Variants in TNC observed in about 807,000 individuals in gnomAD.
TNC encodes the protein tenascin C, also known as tenascin.
A neutral mutation model predicts 202.4 loss-of-function variants in TNC; 109 were observed. That is an observed-to-expected ratio of 0.54 (90% CI 0.46 to 0.63). The LOEUF is 0.63. Ranked by LOEUF, TNC falls within the 30% of genes least tolerant of loss-of-function variation. The pLI is 0.00. For missense variants in TNC, 2,756 were observed against 2,833.3 expected (o/e 0.97, Z 0.62); for synonymous variants, 1,007 against 1,089.7 (o/e 0.92, Z 1.50).
Position 115,076,126 on chromosome 9 carries a change from G to A in TNC, c.2861-5C>T, listed in dbSNP as rs536537663. On this transcript the variant is annotated splice_polypyrimidine_tract_variant and splice_region_variant and intron_variant, in intron 8 of 27. Transcript: ENST00000350763. ...ATTCAGTTCCCGGCCTCAGACCTAA[G>A]GAGAGAATGTGCAAGTTGAGATTCA... The A allele has an allele frequency of 6.2e-7, 1 of 1,613,238 alleles. No homozygotes were observed. The highest frequency in any genetic ancestry group is 1.7e-5 in the Admixed American group (1 of 60,008).
rs75135471 is a variant in TNC, at chr9:115,108,079, A to G, written c.-137+9903T>C. Among the ~76,000 whole-genome samples, 754 of 152,282 alleles carry G rather than the reference A, an allele frequency of 5.0e-3. 5 individuals carry two copies. The highest frequency in any genetic ancestry group is 0.017 in the African/African-American group (719 of 41,550). ...CTGTGCTCATTGATTGTCTTTGCCA[A>G]AAAGAGCTGCTAATTAGGATGACAT... On this transcript the variant is annotated intron_variant, in intron 1 of 27. Transcript: ENST00000350763.
chr9:115,112,426 T>C (rs1837148064), intron 1 of TNC, among the ~76,000 whole-genome samples: 1 of 152,232 alleles, frequency 6.6e-6, no homozygotes, highest in Non-Finnish European at 1.5e-5. Flanking sequence ...GGAGGGGCTT[T>C]CATTGAAATA....
intron 10 of TNC, among the ~76,000 whole-genome samples, chr9:115,071,861 C>A (rs1833493981): frequency 6.6e-6 from 1 of 152,184 alleles, no homozygotes. Flanking sequence ...AAATTTAAAT[C>A]TCTACTATAG....
intron 2 of TNC, among the ~76,000 whole-genome samples, chr9:115,089,149 T>A (rs1023357031): frequency 7.9e-5 from 12 of 152,218 alleles, no homozygotes; most frequent in African/African-American, 2.9e-4. Context: ...TAAACTAACT[T>A]ATGCCTAAAG....
At chr9:115,085,514 C>A (rs1313450010) in intron 3 of TNC, among the ~76,000 whole-genome samples, 1 of 152,120 alleles carries the variant, frequency 6.6e-6, no homozygotes, top group Non-Finnish European at 1.5e-5. Flanking sequence ...CCTTTATCTA[C>A]CTCATCTTGA....
chr9:115,040,980 A>T lies in TNC; in HGVS notation c.5353T>A (p.Phe1785Ile). Residue 1785 changes from phenylalanine to isoleucine, a missense_variant, in exon 19 of 28, where the codon TTT becomes ATT. By Grantham distance (21) the Phe-to-Ile change is conservative. This residue lies in a region of TNC where 2,559 missense variants were observed against 2,546.0 expected (regional missense o/e 1.01). Transcript: ENST00000350763. ...YLVSIIAMKG[F>I]EESEPVSGSF... is the part of the protein sequence containing the mutation. Reference sequence around the variant, plus strand: ...CCTGAGACAGGTTCACTTTCCTCAAAGCCCTTCATGGCGATGATGCTGACA... The same window carrying T: ...CCTGAGACAGGTTCACTTTCCTCAATGCCCTTCATGGCGATGATGCTGACA... 1.9e-6 allele frequency: 3 copies of T among 1,614,036 alleles called. No homozygotes were observed. Among genetic ancestry groups the T allele is most frequent in the Non-Finnish European group, 2.5e-6 (3 of 1,179,998 alleles).
Position 115,084,397 on chromosome 9 carries a change from C to G in TNC, c.1943G>C (p.Arg648Pro). The change falls in exon 4 of 28, where the codon CGG (arginine) becomes CCG (proline). Residue 648 changes from arginine to proline, a missense_variant. Coordinates refer to ENST00000350763, the MANE Select transcript of TNC (RefSeq NM_002160.4). ...GTACACGACAAGGTACTCTGTGACC[C>G]GCATCTCATTGTCCCAGGCCAGGTT... Reference protein sequence around the residue: ...TVNLAWDNEMRVTEYLVVYTP... With the variant: ...TVNLAWDNEMPVTEYLVVYTP... 1.9e-6 allele frequency: 3 copies of G among 1,614,212 alleles called. No homozygotes were observed. The highest frequency in any genetic ancestry group is 2.5e-6 in the Non-Finnish European group (3 of 1,180,048).
chr9:115,029,574 C>T, intron 24 of TNC, 118 bp from the exon 25 acceptor site: 1 of 1,002,318 alleles, frequency 1.0e-6, no homozygotes, highest in Non-Finnish European at 1.5e-6. Context: ...CTGTCCATCC[C>T]TAATTTGCTA....
rs149338321 is a variant in TNC at position 115,081,870 on chromosome 9, C to T, written c.2306G>A (p.Arg769Gln). ...KSLRRPETSY[R>Q]QTGLAPGQEY... ...TTGCCCAGGAGCTAGACCAGTTTGCCGGTAAGAGGTCTCTGGCCTCCTCAG... is the reference window on the plus strand; with the variant it reads ...TTGCCCAGGAGCTAGACCAGTTTGCTGGTAAGAGGTCTCTGGCCTCCTCAG... The change falls in exon 6 of 28, where the codon CGG becomes CAG. Residue 769 changes from arginine to glutamine, a missense_variant. Coordinates refer to ENST00000350763, the MANE Select transcript of TNC (RefSeq NM_002160.4). The T allele has an allele frequency of 1.1e-4, 171 of 1,602,178 alleles. No homozygotes were observed. Among genetic ancestry groups the T allele is most frequent in the Admixed American group, 1.9e-4 (11 of 56,424 alleles).
rs556936556 is a variant in TNC at position 115,041,750 on chromosome 9, T to C, written c.5248+469A>G. On this transcript the variant is annotated intron_variant, in intron 18 of 27. Coordinates refer to ENST00000350763, the MANE Select transcript of TNC (RefSeq NM_002160.4). ...TTTAGGCAGATTTGACTGGGCTTCCTCCTTGTGGTCTCTATTATAGCCCAT... is the reference window on the plus strand; with the variant it reads ...TTTAGGCAGATTTGACTGGGCTTCCCCCTTGTGGTCTCTATTATAGCCCAT... 7.2e-5 allele frequency among the ~76,000 whole-genome samples: 11 copies of C among 152,300 alleles called. No individual in the cohort carries two copies. In the East Asian group the frequency reaches 2.1e-3, roughly 29 times the overall value.
chr9:115,082,390 G>T (rs1274727407), intron 5 of TNC, among the ~76,000 whole-genome samples: 16 of 152,176 alleles, frequency 1.1e-4, no homozygotes, highest in African/African-American at 3.6e-4. Flanking sequence ...TTGAGGGAGA[G>T]ACTGTTTCTT....
In TNC at chr9:115,059,743, A is replaced by G; in HGVS notation, c.4293T>C (p.Ala1431=). Residue 1431 remains alanine, a synonymous_variant, in exon 14 of 28, where the codon GCT becomes GCC. Coordinates refer to ENST00000350763, the MANE Select transcript of TNC (RefSeq NM_002160.4). ...IRGYRTPVLS[A]EASTAKEPEI... is the part of the protein sequence containing the mutation. The stretch of plus-strand genomic sequence containing the variant: ...GAGAGGAAGTACCTGTGGAGGCCTC[A>G]GCAGAGAGTACTGGTGTTCTATAGC... 6.2e-7 allele frequency: 1 copy of G among 1,603,258 alleles called. No homozygotes were observed. Among genetic ancestry groups the G allele is most frequent in the Non-Finnish European group, 8.5e-7 (1 of 1,173,086 alleles).
chr9:115,057,914 T>G (rs1375997213), intron 14 of TNC, among the ~76,000 whole-genome samples: 2 of 152,272 alleles, frequency 1.3e-5, no homozygotes, highest in Non-Finnish European at 2.9e-5. Context: ...ATAATTCTGA[T>G]GCCATTACCT....
chr9:115,108,380 C>T (rs750753022), intron 1 of TNC, among the ~76,000 whole-genome samples: 1 of 152,172 alleles, frequency 6.6e-6, no homozygotes, highest in Non-Finnish European at 1.5e-5. Context: ...AGATGATGCA[C>T]TCTACTTCCC....
Position 115,030,321 on chromosome 9 carries a change from A to G in TNC, c.6005T>C (p.Leu2002Pro). 6.2e-7 allele frequency: 1 copy of G among 1,613,918 alleles called. No homozygotes were observed. ...DTTSGLYTIY[L>P]NGDKAEALEV... ...CAGCGCCTCAGCCTTATCACCATTC[A>G]GATAAATGGTGTAGAGGCCAGAGGT... Residue 2002 changes from leucine to proline, a missense_variant, in exon 24 of 28, where the codon CTG (leucine) becomes CCG (proline). Leu to Pro is a moderately conservative substitution (Grantham distance 98, BLOSUM62 -3). Around this residue, in one of 2 missense-constraint regions of TNC, gnomAD observed 197 missense variants for 287.3 expected, o/e 0.69. Coordinates refer to ENST00000350763, the MANE Select transcript of TNC (RefSeq NM_002160.4).
rs373232213 is a variant in TNC at position 115,065,817 on chromosome 9, G to T, written c.3215-898C>A. Among the ~76,000 whole-genome samples, 16 of 149,338 alleles carry T rather than the reference G, an allele frequency of 1.1e-4. No homozygotes were observed. In the Admixed American group the frequency reaches 1.1e-3, roughly 10 times the overall value. Reference sequence around the variant, plus strand: ...CTTGGGAGGCTGAGTTAGGAGAATCGCTTGAGCCCTGGAGGTTGAGGTTGC... The same window carrying T: ...CTTGGGAGGCTGAGTTAGGAGAATCTCTTGAGCCCTGGAGGTTGAGGTTGC... On this transcript the variant is annotated intron_variant, in intron 10 of 27. Coordinates refer to ENST00000350763, the MANE Select transcript of TNC (RefSeq NM_002160.4).
chr9:115,023,926 C>G (rs1356486621), intron 27 of TNC, 47 bp downstream of exon 27: 16 of 1,590,348 alleles, frequency 1.0e-5, no homozygotes, highest in Non-Finnish European at 1.3e-5. Flanking sequence ...TTAGCCCCCT[C>G]CAGCTTCCCA....
intron 9 of TNC, among the ~76,000 whole-genome samples, chr9:115,074,467 C>G (rs755968487): frequency 6.6e-6 from 1 of 152,210 alleles, no homozygotes; most frequent in African/African-American, 2.4e-5. Flanking sequence ...GCATCTTGAT[C>G]TTGGACTTCG....
chr9:115,106,577 G>A (rs927922209), intron 1 of TNC, among the ~76,000 whole-genome samples: 4 of 152,200 alleles, frequency 2.6e-5, no homozygotes, highest in Non-Finnish European at 4.4e-5. Flanking sequence ...TATAATATCT[G>A]TGTCTTAGGC....
Sources: allele counts gnomAD v4.1 joint callset (sites outside exome capture counted in the v4.1 genomes callset), GRCh38; gene constraint gnomAD v4.1.1; regional missense constraint gnomAD v4.1.1; transcripts MANE v1.5; gene names NCBI Gene and HGNC (gene_info 2026-07-23, HGNC 2026-07-21).